NFE2L1: variants seen among roughly 807,000 people sequenced by gnomAD.
The protein encoded by NFE2L1 is endoplasmic reticulum membrane sensor NFE2L1.
Under a neutral mutation model 61.6 loss-of-function variants are expected in NFE2L1, and 18 were observed. The observed-to-expected ratio is 0.29, with a 90% confidence interval of 0.20 to 0.43. The LOEUF is 0.43. Among genes scored for constraint, NFE2L1 ranks in the 20% least tolerant of loss-of-function variants. The pLI is 1.00. For missense variants in NFE2L1, 827 were observed against 973.5 expected (o/e 0.85, Z 2.00); for synonymous variants, 419 against 402.7 (o/e 1.04, Z -0.48).
Position 48,059,589 on chromosome 17 carries a change from C to A in NFE2L1, c.2267C>A (p.Ala756Asp). Residue 756 changes from alanine (A) to aspartate (D), a missense_variant, in exon 6 of 6, where the codon GCC (alanine) becomes GAC (aspartate). Physicochemically the swap from Ala to Asp is moderately radical, Grantham distance 126. This residue lies in a region of NFE2L1 where 86 missense variants were observed against 97.3 expected (regional missense o/e 0.88). Coordinates refer to ENST00000362042, the MANE Select transcript of NFE2L1 (RefSeq NM_003204.3). The surrounding 1 kb of genome is among the most constrained non-coding windows in gnomAD (Gnocchi z 6.1). ...GTCCTCCTCATCCCCCGCACGATGG[C>A]CGACCAGCAGGCCCGGCGGCAGGAG... ...GSVLLIPRTMADQQARRQERK... is the reference protein window; with the variant it reads ...GSVLLIPRTMDDQQARRQERK... 6.3e-7 allele frequency: 1 copy of A among 1,589,526 alleles called. No homozygotes were observed.
Position 48,059,474 on chromosome 17 carries a change from T to C in NFE2L1, c.2152T>C (p.Tyr718His). The C allele has an allele frequency of 6.2e-7, 1 of 1,614,126 alleles. No homozygotes were observed. Among genetic ancestry groups the C allele is most frequent in the East Asian group, 2.2e-5 (1 of 44,864 alleles). ...GATGAAGCAGAAGGTCCAGAGCCTG[T>C]ACCAGGAGGTGTTTGGGCGGCTGCG... Reference protein sequence around the residue: ...RQMKQKVQSLYQEVFGRLRDE... With the variant: ...RQMKQKVQSLHQEVFGRLRDE... Residue 718 changes from tyrosine (Y) to histidine (H), a missense_variant, in exon 6 of 6, where the codon TAC becomes CAC. This residue lies in a region of NFE2L1 where 86 missense variants were observed against 97.3 expected (regional missense o/e 0.88). Coordinates refer to ENST00000362042, the MANE Select transcript of NFE2L1 (RefSeq NM_003204.3). This position sits in a 1 kb window ranked among gnomAD's most constrained non-coding sequence, Gnocchi z 6.1.
rs1163558950 is a variant in NFE2L1 at position 48,050,908 on chromosome 17, G to A, written c.-211G>A. On this transcript the variant is annotated 5_prime_UTR_variant, in exon 2 of 6. It introduces an in-frame stop codon into an upstream open reading frame of the 5' UTR. Transcript: ENST00000362042. Reference sequence around the variant, plus strand: ...GGTGTCGAGAAGGGAAAGTGAATGTGGTCTGGAGTGTGTCCTTGGCCTTGG... The same window carrying A: ...GGTGTCGAGAAGGGAAAGTGAATGTAGTCTGGAGTGTGTCCTTGGCCTTGG... 3.2e-6 allele frequency: 2 copies of A among 621,552 alleles called. No homozygotes were observed. Among genetic ancestry groups the A allele is most frequent in the African/African-American group, 3.7e-5 (2 of 54,318 alleles). The allele number at this position is 621,552 out of a possible 1,614,324, so 38.5% of individuals were successfully genotyped here.
rs2037467490 is a variant in NFE2L1 at position 48,058,694 on chromosome 17, G to A, written c.1372G>A (p.Glu458Lys). The change falls in exon 6 of 6, where the codon GAA becomes AAA. Residue 458 changes from glutamate (E) to lysine (K), a missense_variant. By Grantham distance (56) the Glu-to-Lys change is moderately conservative. Around this residue, in one of 3 missense-constraint regions of NFE2L1, gnomAD observed 667 missense variants for 748.4 expected, o/e 0.89. Transcript: ENST00000362042. Reference protein sequence around the residue: ...DEISLMDLAIEEGFNPVQASQ... With the variant: ...DEISLMDLAIKEGFNPVQASQ... ...GATCAGCCTTATGGACCTGGCCATT[G>A]AAGAAGGCTTTAACCCTGTGCAGGC... 13 of 1,614,096 alleles carry A rather than the reference G, an allele frequency of 8.1e-6. No individual in the cohort carries two copies. Among genetic ancestry groups the A allele is most frequent in the Non-Finnish European group, 1.1e-5 (13 of 1,180,042 alleles).
chr17:48,052,916 C>A (rs1306676979), intron 2 of NFE2L1, among the ~76,000 whole-genome samples: 3 of 152,174 alleles, frequency 2.0e-5, no homozygotes, highest in Admixed American at 2.0e-4. Flanking sequence ...CATACTGGAC[C>A]TGCTTTGAGA....
rs754939167 is a variant in NFE2L1 at position 48,058,708 on chromosome 17, C to T, written c.1386C>T (p.Asn462=). The T allele has an allele frequency of 5.6e-6, 9 of 1,614,194 alleles. No homozygotes were observed. The highest frequency in any genetic ancestry group is 2.7e-5 in the African/African-American group (2 of 75,052). ...ACCTGGCCATTGAAGAAGGCTTTAACCCTGTGCAGGCCTCCCAGCTGGAGG... is the reference window on the plus strand; with the variant it reads ...ACCTGGCCATTGAAGAAGGCTTTAATCCTGTGCAGGCCTCCCAGCTGGAGG... ...LMDLAIEEGF[N]PVQASQLEEE... is the part of the protein sequence containing the mutation. The change falls in exon 6 of 6, where the codon AAC becomes AAT. Residue 462 remains asparagine (N), a synonymous_variant. Coordinates refer to ENST00000362042, the MANE Select transcript of NFE2L1 (RefSeq NM_003204.3).
At chr17:48,056,671 C>G in intron 3 of NFE2L1, 73 bp downstream of exon 3, 1 of 1,541,008 alleles carries the variant, frequency 6.5e-7, no homozygotes, top group Non-Finnish European at 8.8e-7. Context: ...TGGAGTTCTT[C>G]CAGAAACTTC....
At chr17:48,050,578 T>C (rs980940790) in intron 1 of NFE2L1, 29 bp from the exon 2 acceptor site, 5 of 409,998 alleles carry the variant, frequency 1.2e-5, no homozygotes, top group African/African-American at 6.2e-5. Flanking sequence ...TGGAATCTTA[T>C]CCTGTTGCTT....
At chr17:48,053,143 CTG>C (rs751273597) in intron 2 of NFE2L1, among the ~76,000 whole-genome samples, 2 of 152,166 alleles carry the variant, frequency 1.3e-5, no homozygotes, top group African/African-American at 4.8e-5. Context: ...GTGGGTGTAA[CTG>C]GGTTTGCTCC....
chr17:48,061,497 T>C lies in NFE2L1; in HGVS notation c.*1856T>C, dbSNP rs1228574036. On this transcript the variant is annotated 3_prime_UTR_variant, in exon 6 of 6. Transcript: ENST00000362042. ...GATGATTCATTCTTAAGTGCACTTTTTCCCCACTTTGAATTTAAATTGAGA... is the reference window on the plus strand; with the variant it reads ...GATGATTCATTCTTAAGTGCACTTTCTCCCCACTTTGAATTTAAATTGAGA... 1.3e-5 allele frequency: 2 copies of C among 152,238 alleles called. No individual in the cohort carries two copies. The highest frequency in any genetic ancestry group is 3.8e-4 in the East Asian group (2 of 5,196). 9.4% of individuals were successfully genotyped at this position (152,238 alleles called of 1,614,324 possible). A position where few individuals can be genotyped will look rare whatever the true frequency, so the allele number is the denominator to read the frequency against.
Position 48,058,482 on chromosome 17 carries a change from T to C in NFE2L1, c.1160T>C (p.Val387Ala). The part of the protein sequence containing the change: ...LFSPEVESLP[V>A]ASSSTLLPLA... Reference sequence around the variant, plus strand: ...AGCCCCGAGGTGGAAAGCCTGCCTGTGGCCAGTAGCTCCACGCTGCTCCCG... The same window carrying C: ...AGCCCCGAGGTGGAAAGCCTGCCTGCGGCCAGTAGCTCCACGCTGCTCCCG... The change falls in exon 6 of 6, where the codon GTG (valine) becomes GCG (alanine). Residue 387 changes from valine to alanine, a missense_variant. Transcript: ENST00000362042. The C allele has an allele frequency of 6.2e-7, 1 of 1,613,698 alleles. No homozygotes were observed. Among genetic ancestry groups the C allele is most frequent in the South Asian group, 1.1e-5 (1 of 90,998 alleles).
At position 48,059,531 on chromosome 17, in the gene NFE2L1, C is replaced by G. The variant is rs1348491179; in HGVS notation, c.2209C>G (p.Gln737Glu). The G allele has an allele frequency of 4.3e-6, 7 of 1,613,766 alleles. No homozygotes were observed. The highest frequency in any genetic ancestry group is 5.9e-6 in the Non-Finnish European group (7 of 1,179,852). The change falls in exon 6 of 6, where the codon CAG (glutamine) becomes GAG (glutamate). Residue 737 changes from glutamine to glutamate, a missense_variant. Physicochemically the swap from Gln to Glu is conservative, Grantham distance 29 (BLOSUM62 2). Transcript: ENST00000362042. This position sits in a 1 kb window ranked among gnomAD's most constrained non-coding sequence, Gnocchi z 6.1. ...GAACGGACGACCCTACTCGCCCAGTCAGTATGCGCTCCAGTACGCCGGGGA... is the reference window on the plus strand; with the variant it reads ...GAACGGACGACCCTACTCGCCCAGTGAGTATGCGCTCCAGTACGCCGGGGA... ...DENGRPYSPS[Q>E]YALQYAGDGS... is the part of the protein sequence containing the mutation.
Position 48,057,347 on chromosome 17 carries a change from C to G in NFE2L1, c.817C>G (p.Pro273Ala). 1 of 1,613,076 alleles carries G rather than the reference C, an allele frequency of 6.2e-7. No individual in the cohort carries two copies. The highest frequency in any genetic ancestry group is 8.5e-7 in the Non-Finnish European group (1 of 1,179,638). Residue 273 changes from proline to alanine, a missense_variant, in exon 5 of 6, where the codon CCA (proline) becomes GCA (alanine). Pro to Ala is a conservative substitution (Grantham distance 27). This residue lies in a region of NFE2L1 where 667 missense variants were observed against 748.4 expected (regional missense o/e 0.89). Coordinates refer to ENST00000362042, the MANE Select transcript of NFE2L1 (RefSeq NM_003204.3). ...TCPFGENAEF[P>A]ADISSITEAV... ...AAGCCTCTGTGTTTTGCCCTAGTTT[C>G]CAGCAGACATTTCCAGCATAACAGA...
chr17:48,056,182 T>C, intron 2 of NFE2L1: 1 of 648,902 alleles, frequency 1.5e-6, no homozygotes, highest in South Asian at 1.8e-5. Flanking sequence ...GGCTCTTTTT[T>C]TTTGTGGGAA....
At position 48,061,035 on chromosome 17, in the gene NFE2L1, G is replaced by A. The variant is rs1034287895; in HGVS notation, c.*1394G>A. 3 of 152,640 alleles carry A rather than the reference G, an allele frequency of 2.0e-5. No individual in the cohort carries two copies. Among genetic ancestry groups the A allele is most frequent in the African/African-American group, 7.2e-5 (3 of 41,440 alleles). 9.5% of individuals were successfully genotyped at this position (152,640 alleles called of 1,614,324 possible). A position where few individuals can be genotyped will look rare whatever the true frequency, so the allele number is the denominator to read the frequency against. On this transcript the variant is annotated 3_prime_UTR_variant, in exon 6 of 6. Coordinates refer to ENST00000362042, the MANE Select transcript of NFE2L1 (RefSeq NM_003204.3). ...GTTTCTTTCTAGAAGATTGAGAAGT[G>A]CATATGACAGGCTGAGAGCACCTCC...
At chr17:48,053,619 C>G (rs1045355946) in intron 2 of NFE2L1, among the ~76,000 whole-genome samples, 2 of 152,198 alleles carry the variant, frequency 1.3e-5, no homozygotes, top group African/African-American at 4.8e-5. Flanking sequence ...ACAGCTCTTT[C>G]CAGGCTAGGA....
At position 48,048,406 on chromosome 17, in the gene NFE2L1, G is replaced by C. The variant is rs1474080526; in HGVS notation, c.-569G>C. 6.6e-6 allele frequency: 1 copy of C among 152,532 alleles called. No homozygotes were observed. Among genetic ancestry groups the C allele is most frequent in the Non-Finnish European group, 1.5e-5 (1 of 68,258 alleles). The allele number at this position is 152,532 out of a possible 1,614,324, so 9.4% of individuals were successfully genotyped here. A position where few individuals can be genotyped will look rare whatever the true frequency, so the allele number is the denominator to read the frequency against. On this transcript the variant is annotated 5_prime_UTR_variant, in exon 1 of 6. Transcript: ENST00000362042. ...GCCGGCCGGCGGTGGCGGCGGCGAG[G>C]CCGGGACTCGGGCTTAGGGCCTGCT... is the stretch of plus-strand genomic sequence containing the variant.
intron 2 of NFE2L1, among the ~76,000 whole-genome samples, chr17:48,052,756 G>A (rs941745516): frequency 1.3e-5 from 2 of 152,162 alleles, no homozygotes; most frequent in Non-Finnish European, 2.9e-5. Flanking sequence ...ACATCTTGGG[G>A]CGGGGTTGCT....
chr17:48,051,615 A>G lies in NFE2L1; in HGVS notation c.497A>G (p.Asp166Gly). ...GCTGTAGCCCCCCCAGTCAGTGGAG[A>G]CTTAACCAAAGAGGTTAGTGGACCT... ...LGAVAPPVSG[D>G]LTKEDIDLID... Residue 166 changes from aspartate to glycine, a missense_variant, in exon 2 of 6, where the codon GAC becomes GGC. By Grantham distance (94) the Asp-to-Gly change is moderately conservative. Coordinates refer to ENST00000362042, the MANE Select transcript of NFE2L1 (RefSeq NM_003204.3). 6.2e-7 allele frequency: 1 copy of G among 1,612,562 alleles called. No homozygotes were observed. Among genetic ancestry groups the G allele is most frequent in the African/African-American group, 1.3e-5 (1 of 74,952 alleles).
chr17:48,053,944 T>G (rs2037321371), intron 2 of NFE2L1, among the ~76,000 whole-genome samples: 1 of 152,140 alleles, frequency 6.6e-6, no homozygotes, highest in Non-Finnish European at 1.5e-5. Context: ...GGGGCTAGGC[T>G]TGGCCAGCAC....
Sources: gnomAD v4.1 joint callset for allele counts (sites outside exome capture counted in the v4.1 genomes callset) on GRCh38, gnomAD v4.1.1 for gene constraint, gnomAD v4.1.1 regional missense constraint, Gnocchi (gnomAD v3.1) non-coding constraint, MANE v1.5 for transcripts, NCBI Gene and HGNC (gene_info 2026-07-23, HGNC 2026-07-21) for gene names.